Variants in GTF3C3 observed in about 807,000 individuals in gnomAD.
GTF3C3 encodes general transcription factor IIIC subunit 3.
Under a neutral mutation model 105.2 loss-of-function variants are expected in GTF3C3, and 75 were observed. That is an observed-to-expected ratio of 0.71 (90% CI 0.59 to 0.86). The LOEUF is 0.86. GTF3C3 is among the 40% of genes least tolerant of loss of function. The pLI is 0.00. For missense variants in GTF3C3, 856 were observed against 1,076.5 expected, an observed-to-expected ratio of 0.80 and a Z score of 2.87; for synonymous variants, 335 against 370.4, an observed-to-expected ratio of 0.90 and a Z score of 1.10.
At chr2:196,791,088 A>G (rs1437520462) in intron 4 of GTF3C3, among the ~76,000 whole-genome samples, 1 of 152,194 alleles carries the variant, frequency 6.6e-6, no homozygotes, top group East Asian at 1.9e-4. Flanking sequence ...TGACAATTCA[A>G]AAGTCTAAAT....
At chr2:196,793,477 C>T (rs940550395) in intron 2 of GTF3C3, among the ~76,000 whole-genome samples, 1 of 152,084 alleles carries the variant, frequency 6.6e-6, no homozygotes, top group Non-Finnish European at 1.5e-5. Flanking sequence ...CTAAACAAGC[C>T]TAGCAGTACG....
chr2:196,793,116 T>C lies in GTF3C3; in HGVS notation c.251A>G (p.Lys84Arg). ...CTCTCCAAGCATGGAAGCAAAGACC[T>C]TGTGAACTGACTTCCTCACTCCATC... The part of the protein sequence containing the change: ...TSDGVRKSVH[K>R]VFASMLGENE... The change falls in exon 3 of 18, where the codon AAG becomes AGG. Residue 84 changes from lysine (K) to arginine (R), a missense_variant. By Grantham distance (26) the Lys-to-Arg change is conservative (BLOSUM62 2). Around this residue, in one of 3 missense-constraint regions of GTF3C3, gnomAD observed 117 missense variants for 114.0 expected, o/e 1.03. Transcript: ENST00000263956. 1 of 1,613,728 alleles carries C rather than the reference T, an allele frequency of 6.2e-7. No homozygotes were observed.
In GTF3C3 at chr2:196,763,408, T is replaced by C. The variant is rs1228781764; in HGVS notation, c.*1155A>G. 2 of 152,040 alleles carry C rather than the reference T, an allele frequency of 1.3e-5. No homozygotes were observed. The highest frequency in any genetic ancestry group is 4.8e-5 in the African/African-American group (2 of 41,444). 9.4% of individuals were successfully genotyped at this position (152,040 alleles called of 1,614,324 possible). A position where few individuals can be genotyped will look rare whatever the true frequency, so the allele number is the denominator to read the frequency against. On this transcript the variant is annotated 3_prime_UTR_variant, in exon 18 of 18. Transcript: ENST00000263956. Reference sequence around the variant, plus strand: ...TACTGTATCTCAGTTACCTCTACCATTACCTATAAATGGCATAAAGTAAAA... The same window carrying C: ...TACTGTATCTCAGTTACCTCTACCACTACCTATAAATGGCATAAAGTAAAA...
intron 1 of GTF3C3, among the ~76,000 whole-genome samples, chr2:196,798,987 T>C (rs1177743938): frequency 2.0e-5 from 3 of 151,978 alleles, no homozygotes; most frequent in African/African-American, 7.3e-5. Flanking sequence ...TTTCTAAGTA[T>C]GGGGAAAAAA....
At chr2:196,780,232 A>G in intron 9 of GTF3C3, 1 of 978,666 alleles carries the variant, frequency 1.0e-6, no homozygotes, top group Non-Finnish European at 1.2e-6. Flanking sequence ...TTTTTCAATA[A>G]TATACTTGGT....
intron 3 of GTF3C3, among the ~76,000 whole-genome samples, 182 bp from the exon 4 acceptor site, chr2:196,791,642 G>A (rs77064119): frequency 0.043 from 6,513 of 152,026 alleles, 450 homozygotes; most frequent in African/African-American, 0.15. Flanking sequence ...AAAGTTTATC[G>A]AGTCTAAAAT....
chr2:196,769,174 T>A (rs1699126330), intron 16 of GTF3C3, among the ~76,000 whole-genome samples: 1 of 152,168 alleles, frequency 6.6e-6, no homozygotes, highest in Admixed American at 6.5e-5. Flanking sequence ...CATACCTAGT[T>A]TCAACTGTTA....
Position 196,766,637 on chromosome 2 carries a change from A to T in GTF3C3, c.2466T>A (p.His822Gln). 1.2e-6 allele frequency: 2 copies of T among 1,613,772 alleles called. No individual in the cohort carries two copies. The highest frequency in any genetic ancestry group is 2.2e-5 in the South Asian group (2 of 91,054). ...ESFYNLGRGL[H>Q]QLGLIHLAIH... ...TTGCAAGATGAATCAGCCCCAACTG[A>T]TGAAGGCCACGGCCCAAATTGTAGA... Residue 822 changes from histidine to glutamine, a missense_variant, in exon 17 of 18, where the codon CAT (histidine) becomes CAA (glutamine). This residue lies in a region of GTF3C3 where 134 missense variants were observed against 128.9 expected (regional missense o/e 1.04). Transcript: ENST00000263956.
chr2:196,795,285 A>AC (rs1174716525), intron 2 of GTF3C3, among the ~76,000 whole-genome samples: 2 of 152,114 alleles, frequency 1.3e-5, no homozygotes, highest in Non-Finnish European at 2.9e-5. Context: ...TGACCCACCC[A>AC]CCTCAGCCTC....
intron 14 of GTF3C3, among the ~76,000 whole-genome samples, chr2:196,772,368 G>A (rs185648984): frequency 3.6e-3 from 546 of 152,090 alleles, no homozygotes; most frequent in Non-Finnish European, 6.7e-3. Context: ...GACCAACATG[G>A]AGAAACCCCG....
chr2:196,765,109 C>T (rs1018126167), intron 17 of GTF3C3, among the ~76,000 whole-genome samples: 1 of 152,056 alleles, frequency 6.6e-6, no homozygotes, highest in African/African-American at 2.4e-5. Flanking sequence ...ATTAAATGAA[C>T]ACCAATGAGC....
chr2:196,764,140 AAGAGTCCCACTTTG>A lies in GTF3C3; in HGVS notation c.*409_*422del, dbSNP rs1257156441. The A allele has an allele frequency of 6.5e-6, 1 of 152,830 alleles. No individual in the cohort carries two copies. Among genetic ancestry groups the A allele is most frequent in the African/African-American group, 2.4e-5 (1 of 41,480 alleles). 9.5% of individuals were successfully genotyped at this position (152,830 alleles called of 1,614,324 possible). A position where few individuals can be genotyped will look rare whatever the true frequency, so the allele number is the denominator to read the frequency against. On this transcript the variant is annotated 3_prime_UTR_variant, in exon 18 of 18. Coordinates refer to ENST00000263956, the MANE Select transcript of GTF3C3 (RefSeq NM_012086.5). ...TAGTTATCATGGTCATGACATCATA[AAGAGTCCCACTTTG>A]TCTTTCCTTTAATAATAAGCAACCT...
chr2:196,764,278 T>C lies in GTF3C3; in HGVS notation c.*285A>G. ...AATGGTGTGAGTGAAAAATAGTGTA[T>C]TCGACTCCAAGCTAGCTCAAAGGCT... On this transcript the variant is annotated 3_prime_UTR_variant, in exon 18 of 18. Coordinates refer to ENST00000263956, the MANE Select transcript of GTF3C3 (RefSeq NM_012086.5). The C allele has an allele frequency of 4.3e-6, 1 of 232,472 alleles. No homozygotes were observed. The highest frequency in any genetic ancestry group is 5.1e-5 in the Admixed American group (1 of 19,458). The allele number at this position is 232,472 out of a possible 1,614,324, so 14.4% of individuals were successfully genotyped here.
rs1699440989 is a variant in GTF3C3 at position 196,785,566 on chromosome 2, C to T, written c.916G>A (p.Val306Ile). 1.9e-6 allele frequency: 3 copies of T among 1,606,874 alleles called. No individual in the cohort carries two copies. In the Admixed American group the frequency reaches 5.0e-5, roughly 27 times the overall value. The change falls in exon 7 of 18, where the codon GTT becomes ATT. Residue 306 changes from valine to isoleucine, a missense_variant. Physicochemically the swap from Val to Ile is conservative, Grantham distance 29 (BLOSUM62 3). Around this residue, in one of 3 missense-constraint regions of GTF3C3, gnomAD observed 605 missense variants for 833.6 expected, o/e 0.73. Coordinates refer to ENST00000263956, the MANE Select transcript of GTF3C3 (RefSeq NM_012086.5). ...MAKSYYEANDVTSAINIIDEA... is the reference protein window; with the variant it reads ...MAKSYYEANDITSAINIIDEA... ...TCAATTATGTTAATAGCAGAAGTAACATCATTGGCTTCATAGTAACTCCTA... is the reference window on the plus strand; with the variant it reads ...TCAATTATGTTAATAGCAGAAGTAATATCATTGGCTTCATAGTAACTCCTA...
At chr2:196,766,811 T>C in intron 16 of GTF3C3, 94 bp from the exon 17 acceptor site, 1 of 954,502 alleles carries the variant, frequency 1.0e-6, no homozygotes, top group South Asian at 1.8e-5. Context: ...TACAAATATT[T>C]TTTAAAAACC....
At chr2:196,796,124 C>G (rs775176274) in intron 2 of GTF3C3, among the ~76,000 whole-genome samples, 1 of 152,180 alleles carries the variant, frequency 6.6e-6, no homozygotes, top group Non-Finnish European at 1.5e-5. Context: ...ACTGCCAAAG[C>G]TTGTTCAAAA....
At chr2:196,795,928 T>C (rs1383500961) in intron 2 of GTF3C3, among the ~76,000 whole-genome samples, 1 of 152,116 alleles carries the variant, frequency 6.6e-6, no homozygotes, top group Non-Finnish European at 1.5e-5. Flanking sequence ...TTTAGCAAGG[T>C]TGCTGAACAC....
Position 196,775,225 on chromosome 2 carries a change from A to G in GTF3C3, c.1722T>C (p.Cys574=), listed in dbSNP as rs1189364410. 6.2e-7 allele frequency: 1 copy of G among 1,607,988 alleles called. No homozygotes were observed. The highest frequency in any genetic ancestry group is 1.7e-5 in the Admixed American group (1 of 58,624). ...CTCCAGACTTGGAACTGGATATCAAACAAACTTGGGCTCGATTCATTGCTA... is the reference window on the plus strand; with the variant it reads ...CTCCAGACTTGGAACTGGATATCAAGCAAACTTGGGCTCGATTCATTGCTA... ...LKVAMNRAQV[C]LISSSKSGER... The change falls in exon 13 of 18, where the codon TGT becomes TGC. Residue 574 remains cysteine, a synonymous_variant. Transcript: ENST00000263956.
At position 196,775,264 on chromosome 2, in the gene GTF3C3, TGAA is replaced by T; in HGVS notation, c.1696-16_1696-14del. ...GATTCATTGCTACCTGAATTAAAGA[TGAA>T]GATTTCAGATTCTTTAAACAATAAC... is the stretch of plus-strand genomic sequence containing the variant. On this transcript the variant is annotated splice_polypyrimidine_tract_variant and intron_variant, in intron 12 of 17. Transcript: ENST00000263956. The T allele has an allele frequency of 6.3e-7, 1 of 1,592,128 alleles. No individual in the cohort carries two copies. Among genetic ancestry groups the T allele is most frequent in the Non-Finnish European group, 8.5e-7 (1 of 1,171,748 alleles).
Sources: allele counts gnomAD v4.1 joint callset (sites outside exome capture counted in the v4.1 genomes callset), GRCh38; gene constraint gnomAD v4.1.1; regional missense constraint gnomAD v4.1.1; transcripts MANE v1.5; gene names NCBI Gene and HGNC (gene_info 2026-07-23, HGNC 2026-07-21).